UNC5C: variants seen among roughly 807,000 people sequenced by gnomAD.
UNC5C encodes the protein netrin receptor UNC5C.
Under a neutral mutation model 99.8 loss-of-function variants are expected in UNC5C, and 47 were observed. That is an observed-to-expected ratio of 0.47 (90% CI 0.37 to 0.60). The LOEUF (loss-of-function observed/expected upper bound fraction) is 0.60. Among genes scored for constraint, UNC5C ranks in the 20% least tolerant of loss-of-function variants. The pLI is 0.00. For synonymous variants in UNC5C, 487 were observed against 452.2 expected, an observed-to-expected ratio of 1.08 and a Z score of -0.98; for missense variants, 1,062 against 1,165.9, an observed-to-expected ratio of 0.91 and a Z score of 1.30.
intron 1 of UNC5C, among the ~76,000 whole-genome samples, chr4:95,512,828 G>T (rs1261359659): frequency 6.6e-6 from 1 of 151,878 alleles, no homozygotes; most frequent in Non-Finnish European, 1.5e-5. Context: ...TTGTTTAATT[G>T]ATAAGAAACT....
At chr4:95,206,334 A>AAT in intron 11 of UNC5C, among the ~76,000 whole-genome samples, 1 of 151,816 alleles carries the variant, frequency 6.6e-6, no homozygotes, top group Non-Finnish European at 1.5e-5. Context: ...ACATATACAC[A>AAT]ATATATATAC....
chr4:95,434,677 C>T (rs1015594112), intron 1 of UNC5C, among the ~76,000 whole-genome samples: 4 of 152,058 alleles, frequency 2.6e-5, no homozygotes, highest in African/African-American at 7.2e-5. Flanking sequence ...GAGTGACTCT[C>T]GCTTGGTTTC....
chr4:95,403,452 C>A (rs1745753633), intron 1 of UNC5C, among the ~76,000 whole-genome samples: 2 of 152,158 alleles, frequency 1.3e-5, no homozygotes, highest in African/African-American at 4.8e-5. Flanking sequence ...CAGGAGGCCA[C>A]TGAAAGTTTC....
At chr4:95,333,451 C>G (rs1252419562) in intron 2 of UNC5C, among the ~76,000 whole-genome samples, 1 of 151,770 alleles carries the variant, frequency 6.6e-6, no homozygotes, top group Non-Finnish European at 1.5e-5. Flanking sequence ...AATCATCATT[C>G]TCAGTAAACT....
chr4:95,478,690 C>T (rs898143433), intron 1 of UNC5C, among the ~76,000 whole-genome samples: 4 of 151,954 alleles, frequency 2.6e-5, no homozygotes, highest in African/African-American at 9.7e-5. Flanking sequence ...ATAGTAGATA[C>T]AATTGACTCT....
At position 95,460,268 on chromosome 4, in the gene UNC5C, G is replaced by A. The variant is rs573625263; in HGVS notation, c.124+88466C>T. 2.1e-5 allele frequency among the ~76,000 whole-genome samples: 3 copies of A among 144,402 alleles called. No homozygotes were observed. In the South Asian group the frequency reaches 6.9e-4, roughly 33 times the overall value. 94.7% of individuals were successfully genotyped at this position (144,402 alleles called of 152,430 possible). On this transcript the variant is annotated intron_variant, in intron 1 of 15. Coordinates refer to ENST00000453304, the MANE Select transcript of UNC5C (RefSeq NM_003728.4). Reference sequence around the variant, plus strand: ...TTTCAAGAAGTCTATCCATGTATATGTATGAATTCATAATACTAAATTTTA... The same window carrying A: ...TTTCAAGAAGTCTATCCATGTATATATATGAATTCATAATACTAAATTTTA...
At chr4:95,499,312 T>G (rs115341411) in intron 1 of UNC5C, among the ~76,000 whole-genome samples, 2,442 of 152,158 alleles carry the variant, frequency 0.016, 36 homozygotes, top group Non-Finnish European at 0.027. Flanking sequence ...AATAAACCAC[T>G]CAGCCCCTGC....
At chr4:95,170,655 A>C (rs1736061039) in intron 14 of UNC5C, among the ~76,000 whole-genome samples, 1 of 152,210 alleles carries the variant, frequency 6.6e-6, no homozygotes, top group African/African-American at 2.4e-5. Context: ...CTGAGAGAGA[A>C]GAGAGGGAAT....
At chr4:95,309,057 T>C (rs898582540) in intron 2 of UNC5C, among the ~76,000 whole-genome samples, 1 of 152,110 alleles carries the variant, frequency 6.6e-6, no homozygotes, top group Non-Finnish European at 1.5e-5. Context: ...AGTATCAAAA[T>C]AGCATAATGC....
At chr4:95,320,820 T>C (rs1205175293) in intron 2 of UNC5C, among the ~76,000 whole-genome samples, 1 of 152,228 alleles carries the variant, frequency 6.6e-6, no homozygotes, top group African/African-American at 2.4e-5. Flanking sequence ...CTTATATGCA[T>C]ATTCTTGATT....
At chr4:95,404,084 A>G (rs1457921377) in intron 1 of UNC5C, among the ~76,000 whole-genome samples, 1 of 152,222 alleles carries the variant, frequency 6.6e-6, no homozygotes, top group Non-Finnish European at 1.5e-5. Flanking sequence ...CTTTTATTTT[A>G]TATCACCAAT....
chr4:95,495,118 T>G (rs1339691535), intron 1 of UNC5C, among the ~76,000 whole-genome samples: 1 of 151,628 alleles, frequency 6.6e-6, no homozygotes, highest in Non-Finnish European at 1.5e-5. Context: ...GTGCCTCATA[T>G]CTACATTAAT....
chr4:95,332,416 A>G (rs371862360), intron 2 of UNC5C, among the ~76,000 whole-genome samples: 1 of 147,554 alleles, frequency 6.8e-6, no homozygotes, highest in Non-Finnish European at 1.5e-5. Context: ...AAATAATGCC[A>G]CATATCTACA....
chr4:95,407,573 T>G (rs969825978), intron 1 of UNC5C, among the ~76,000 whole-genome samples: 4 of 152,112 alleles, frequency 2.6e-5, no homozygotes, highest in Admixed American at 2.0e-4. Context: ...TTTCTGGAAT[T>G]TTATGGAAGC....
chr4:95,290,794 G>A (rs10003604), intron 3 of UNC5C, among the ~76,000 whole-genome samples: 99,903 of 152,052 alleles, frequency 0.66, 33,828 homozygotes, highest in African/African-American at 0.83. Context: ...GCTTTTGTAA[G>A]GGGTAAAGTT....
In UNC5C at chr4:95,542,750, T is replaced by C. The variant is rs78388879; in HGVS notation, c.124+5984A>G. Among the ~76,000 whole-genome samples, 158 of 152,172 alleles carry C rather than the reference T, an allele frequency of 1.0e-3. 1 individual carries two copies. The East Asian group carries it at 0.025, about 24-fold the overall frequency. On this transcript the variant is annotated intron_variant, in intron 1 of 15. Coordinates refer to ENST00000453304, the MANE Select transcript of UNC5C (RefSeq NM_003728.4). ...CCAAATATCTGCAACATGATATATG[T>C]TTTGGGTTTTCATGAAAAGGCAGAA...
intron 3 of UNC5C, among the ~76,000 whole-genome samples, chr4:95,289,908 A>G (rs1395830128): frequency 1.3e-5 from 2 of 152,238 alleles, no homozygotes; most frequent in African/African-American, 2.4e-5. Flanking sequence ...TTTTCCAGGA[A>G]TAGAGTATCT....
In UNC5C at chr4:95,183,017, C is replaced by A. The variant is rs777557355; in HGVS notation, c.2331G>T (p.Leu777=). The A allele has an allele frequency of 1.1e-5, 18 of 1,612,194 alleles. No homozygotes were observed. The highest frequency in any genetic ancestry group is 1.5e-5 in the Non-Finnish European group (18 of 1,178,656). The change falls in exon 14 of 16, where the codon CTG becomes CTT. Residue 777 remains leucine (L), a synonymous_variant. Transcript: ENST00000453304. ...ATCTTTCCAGAGTGAAGGTGCAGTG[C>A]AGGTTTCTTTGAGATCCACTCCAAA... ...YHVWSGSQRN[L]HCTFTLERFS...
At chr4:95,518,858 G>C (rs995234836) in intron 1 of UNC5C, among the ~76,000 whole-genome samples, 9 of 152,140 alleles carry the variant, frequency 5.9e-5, no homozygotes, top group Non-Finnish European at 8.8e-5. Flanking sequence ...GGAGGATCTA[G>C]TGAGAAATAC....
Sources: allele counts gnomAD v4.1 joint callset (sites outside exome capture counted in the v4.1 genomes callset), GRCh38; gene constraint gnomAD v4.1.1; transcripts MANE v1.5; gene names NCBI Gene and HGNC (gene_info 2026-07-23, HGNC 2026-07-21).